PNPLA1: variants seen among roughly 807,000 people sequenced by gnomAD.
The protein encoded by PNPLA1 is patatin like domain 1, omega-hydroxyceramide transacylase.
PNPLA1 carries 36 observed loss-of-function variants against 51.7 expected under a neutral mutation model. That is an observed-to-expected ratio of 0.70 (90% confidence interval 0.53 to 0.92). The LOEUF is 0.92. Ranked by LOEUF, PNPLA1 falls within the 40% of genes least tolerant of loss-of-function variation. PNPLA1 has a pLI of 0.00. For synonymous variants in PNPLA1, 293 were observed against 280.1 expected (o/e 1.05, Z -0.46); for missense variants, 658 against 682.5 (o/e 0.96, Z 0.40).
chr6:36,280,090 T>TCC, intron 1 of PNPLA1, among the ~76,000 whole-genome samples: 1 of 152,232 alleles, frequency 6.6e-6, no homozygotes, highest in South Asian at 2.1e-4. Flanking sequence ...CCTGTAGTCG[T>TCC]AGCTACTCGG....
At chr6:36,252,275 GTT>G (rs1333135466) in intron 1 of PNPLA1, among the ~76,000 whole-genome samples, 1 of 152,118 alleles carries the variant, frequency 6.6e-6, no homozygotes, top group Non-Finnish European at 1.5e-5. Context: ...TCTAGAAAGG[GTT>G]TTTTTCTCCC....
chr6:36,295,416 G>A lies in PNPLA1; in HGVS notation c.767G>A (p.Arg256Lys), dbSNP rs762626920. The A allele has an allele frequency of 2.5e-6, 4 of 1,614,200 alleles. No homozygotes were observed. Among genetic ancestry groups the A allele is most frequent in the Non-Finnish European group, 2.5e-6 (3 of 1,180,024 alleles). ...TACGAGGATGCAGTTTTGTACTTGA[G>A]GCGGCTGAGTAAGTACCGGTGGGGC... is the stretch of plus-strand genomic sequence containing the variant. ...RGYEDAVLYL[R>K]RLNAVYLNSS... The change falls in exon 5 of 9, where the codon AGG becomes AAG. Residue 256 changes from arginine to lysine, a missense_variant. By Grantham distance (26) the Arg-to-Lys change is conservative. Coordinates refer to ENST00000636260, the MANE Select transcript of PNPLA1 (RefSeq NM_001374623.1).
chr6:36,297,767 A>G (rs1770902313), intron 5 of PNPLA1, among the ~76,000 whole-genome samples: 1 of 151,880 alleles, frequency 6.6e-6, no homozygotes, highest in Non-Finnish European at 1.5e-5. Context: ...TAAAATATCC[A>G]TCCGGCATTC....
intron 1 of PNPLA1, among the ~76,000 whole-genome samples, chr6:36,254,510 G>A (rs1053124239): frequency 6.6e-6 from 1 of 152,088 alleles, no homozygotes; most frequent in African/African-American, 2.4e-5. Context: ...ATGAGTTCAA[G>A]GTTGCAGTGA....
intron 1 of PNPLA1, among the ~76,000 whole-genome samples, chr6:36,277,591 C>T (rs1456478689): frequency 2.0e-5 from 3 of 152,226 alleles, no homozygotes; most frequent in Non-Finnish European, 4.4e-5. Flanking sequence ...TGGCCAGATG[C>T]AGTGGCTCGT....
chr6:36,299,279 T>C (rs1034134742), intron 5 of PNPLA1, among the ~76,000 whole-genome samples: 5 of 152,124 alleles, frequency 3.3e-5, no homozygotes, highest in African/African-American at 1.2e-4. Flanking sequence ...CCACCAGCAG[T>C]GGATGAGCGT....
At chr6:36,311,401 A>G (rs1364115170) in intron 8 of PNPLA1, among the ~76,000 whole-genome samples, 2 of 152,188 alleles carry the variant, frequency 1.3e-5, no homozygotes, top group Non-Finnish European at 2.9e-5. Context: ...GCAAGGATGG[A>G]GGTAGCGGAG....
Position 36,270,350 on chromosome 6 carries a change from G to C in PNPLA1, c.-110G>C. 1 of 1,122,340 alleles carries C rather than the reference G, an allele frequency of 8.9e-7. No individual in the cohort carries two copies. Among genetic ancestry groups the C allele is most frequent in the South Asian group, 1.5e-5 (1 of 68,512 alleles). 69.5% of individuals were successfully genotyped at this position (1,122,340 alleles called of 1,614,324 possible). Reference sequence around the variant, plus strand: ...AGACAGCCACATTCCAAGCTCCGGGGTGGCAGGGAAGCTGGGTAGGGAGTT... The same window carrying C: ...AGACAGCCACATTCCAAGCTCCGGGCTGGCAGGGAAGCTGGGTAGGGAGTT... On this transcript the variant is annotated 5_prime_UTR_variant, in exon 1 of 9. Coordinates refer to ENST00000636260, the MANE Select transcript of PNPLA1 (RefSeq NM_001374623.1).
chr6:36,266,194 G>C (rs1471332092), upstream of PNPLA1, among the ~76,000 whole-genome samples: 1 of 152,206 alleles, frequency 6.6e-6, no homozygotes, highest in African/African-American at 2.4e-5. Flanking sequence ...TGCACCCCTG[G>C]CTATCAGCCT....
At chr6:36,256,939 T>C (rs574996717) in intron 1 of PNPLA1, among the ~76,000 whole-genome samples, 1 of 152,280 alleles carries the variant, frequency 6.6e-6, no homozygotes, top group South Asian at 2.1e-4. Context: ...TGGGGGGATA[T>C]AGGCAACTTT....
chr6:36,311,447 T>A (rs1582112742), intron 8 of PNPLA1, among the ~76,000 whole-genome samples: 2 of 152,188 alleles, frequency 1.3e-5, no homozygotes, highest in African/African-American at 4.8e-5. Flanking sequence ...TGGTGGAAGG[T>A]AGGTCAGGCT....
chr6:36,287,755 A>AACACACACACACAC (rs57750301), intron 1 of PNPLA1, among the ~76,000 whole-genome samples: 1 of 148,342 alleles, frequency 6.7e-6, no homozygotes, highest in Non-Finnish European at 1.5e-5. Context: ...GACAGACAGA[A>AACACACACACACAC]ACACACACAC....
intron 1 of PNPLA1, among the ~76,000 whole-genome samples, chr6:36,287,559 T>C (rs1363118046): frequency 6.6e-6 from 1 of 152,130 alleles, no homozygotes; most frequent in African/African-American, 2.4e-5. Flanking sequence ...CTGGAAAATA[T>C]GGTAATACAT....
intron 1 of PNPLA1, among the ~76,000 whole-genome samples, chr6:36,270,946 G>GT (rs1769898686): frequency 6.6e-6 from 1 of 152,192 alleles, no homozygotes; most frequent in African/African-American, 2.4e-5. Context: ...GCCTGGGAGA[G>GT]TAAAGGACAG....
chr6:36,256,385 A>C (rs1228435901), intron 1 of PNPLA1, among the ~76,000 whole-genome samples: 2 of 152,172 alleles, frequency 1.3e-5, no homozygotes, highest in African/African-American at 4.8e-5. Context: ...AAATTAAGCC[A>C]AAATCTTTAC....
rs75575633 is a variant in PNPLA1 at position 36,245,674 on chromosome 6, C to T, written c.-81+2413C>T. 1.3e-3 allele frequency among the ~76,000 whole-genome samples: 195 copies of T among 152,346 alleles called. 1 individual carries two copies. The East Asian group carries it at 0.034, about 27-fold the overall frequency. On this transcript the variant is annotated intron_variant, in intron 1 of 7. Coordinates refer to the PNPLA1 transcript ENST00000312917. ...GCACAGGGGAGCTGCATCCGCTCTTCTGTGGCATTGTCATTTATCTTCAAG... is the reference window on the plus strand; with the variant it reads ...GCACAGGGGAGCTGCATCCGCTCTTTTGTGGCATTGTCATTTATCTTCAAG...
chr6:36,292,161 C>T (rs1770706126), intron 2 of PNPLA1, among the ~76,000 whole-genome samples: 3 of 152,270 alleles, frequency 2.0e-5, no homozygotes, highest in African/African-American at 7.2e-5. Flanking sequence ...GTGTGGCCTC[C>T]TTCCCACATC....
At chr6:36,282,157 G>A (rs962213057) in intron 1 of PNPLA1, among the ~76,000 whole-genome samples, 29 of 133,494 alleles carry the variant, frequency 2.2e-4, no homozygotes, top group African/African-American at 7.1e-4. Context: ...CAGAGAGAGA[G>A]AGAAAGAAAG....
At chr6:36,304,591 C>T (rs1582102848) in intron 6 of PNPLA1, among the ~76,000 whole-genome samples, 1 of 145,266 alleles carries the variant, frequency 6.9e-6, no homozygotes, top group East Asian at 2.0e-4. Flanking sequence ...CGTGCCACTG[C>T]ACTCCAGCCT....
Sources: allele counts gnomAD v4.1 joint callset (sites outside exome capture counted in the v4.1 genomes callset), GRCh38; gene constraint gnomAD v4.1.1; transcripts MANE v1.5; gene names NCBI Gene and HGNC (gene_info 2026-07-23, HGNC 2026-07-21).